The following MROH9 variants were observed in gnomAD, a reference collection of about 807,000 sequenced individuals.
The protein encoded by MROH9 is maestro heat-like repeat-containing protein family member 9.
MROH9 carries 92 observed loss-of-function variants against 98.2 expected under a neutral mutation model. That is an observed-to-expected ratio of 0.94 (90% CI 0.79 to 1.11). MROH9 has a LOEUF of 1.11. Ranked by LOEUF, MROH9 falls within the 50% of genes most tolerant of loss-of-function variation. The pLI is 0.00. For synonymous variants in MROH9, 397 were observed against 368.9 expected, an observed-to-expected ratio of 1.08 and a Z score of -0.87; for missense variants, 1,057 against 1,014.8, an observed-to-expected ratio of 1.04 and a Z score of -0.57.
intron 17 of MROH9, among the ~76,000 whole-genome samples, chr1:171,020,377 A>C (rs928018087): frequency 6.6e-6 from 1 of 152,216 alleles, no homozygotes; most frequent in African/African-American, 2.4e-5. Flanking sequence ...AAATACTGGC[A>C]AAACAAATCC....
At chr1:171,025,296 T>A in intron 19 of MROH9, 22 bp from the exon 20 acceptor site, 1 of 1,443,652 alleles carries the variant, frequency 6.9e-7, no homozygotes, top group South Asian at 1.2e-5. Context: ...AGTGAGGTGC[T>A]TTTTTCCCTT....
chr1:170,985,521 T>A (rs1651098999), intron 9 of MROH9, among the ~76,000 whole-genome samples: 1 of 152,152 alleles, frequency 6.6e-6, no homozygotes, highest in Non-Finnish European at 1.5e-5. Flanking sequence ...TCTTCACCTG[T>A]ACATGACAGA....
At position 170,995,448 on chromosome 1, in the gene MROH9, G is replaced by A. The variant is rs767272974; in HGVS notation, c.1254G>A (p.Gln418=). ...PLGSYRKAVA[Q]YFPQLLTTLM... is the part of the protein sequence containing the mutation. ...GTTCCTACAGGAAAGCGGTGGCCCA[G>A]TATTTCCCCCAGCTCTTGACGACTC... Residue 418 remains glutamine, a synonymous_variant, in exon 13 of 22, where the codon CAG becomes CAA. Coordinates refer to ENST00000367759, the MANE Select transcript of MROH9 (RefSeq NM_001163629.2). 3.7e-6 allele frequency: 6 copies of A among 1,613,286 alleles called. No homozygotes were observed. The East Asian group carries it at 6.7e-5, about 18-fold the overall frequency.
At chr1:170,950,855 T>C (rs1649524520) in intron 3 of MROH9, among the ~76,000 whole-genome samples, 1 of 152,138 alleles carries the variant, frequency 6.6e-6, no homozygotes, top group African/African-American at 2.4e-5. Flanking sequence ...GGCTGTTTAC[T>C]ATGCATGTTT....
At chr1:171,008,166 T>C (rs530305478) in intron 15 of MROH9, among the ~76,000 whole-genome samples, 11 of 152,198 alleles carry the variant, frequency 7.2e-5, no homozygotes, top group Non-Finnish European at 1.3e-4. Flanking sequence ...AGATACACTG[T>C]TATTAGCCAT....
chr1:171,052,638 C>T (rs1653707579), intron 20 of MROH9, among the ~76,000 whole-genome samples: 1 of 152,052 alleles, frequency 6.6e-6, no homozygotes, highest in African/African-American at 2.4e-5. Flanking sequence ...AGAAATGTGC[C>T]CCAGAAAGGA....
intron 12 of MROH9, among the ~76,000 whole-genome samples, chr1:170,993,583 G>A (rs796799690): frequency 5.9e-5 from 9 of 152,238 alleles, no homozygotes; most frequent in African/African-American, 2.2e-4. Flanking sequence ...TAAAAGCATG[G>A]CACAGAAGAC....
chr1:170,971,476 T>C (rs765213721), intron 7 of MROH9, among the ~76,000 whole-genome samples: 23 of 152,212 alleles, frequency 1.5e-4, no homozygotes, highest in Non-Finnish European at 2.9e-4. Flanking sequence ...GTCACCATTA[T>C]GTCCAAGTAC....
chr1:171,013,106 AAC>A (rs939751708), intron 15 of MROH9, among the ~76,000 whole-genome samples: 1 of 152,092 alleles, frequency 6.6e-6, no homozygotes, highest in African/African-American at 2.4e-5. Flanking sequence ...CTCCTCTCTA[AAC>A]ACTTCTTCTA....
chr1:170,963,940 TTAAAA>T (rs1650127171), intron 6 of MROH9, among the ~76,000 whole-genome samples: 1 of 152,024 alleles, frequency 6.6e-6, no homozygotes, highest in Admixed American at 6.6e-5. Flanking sequence ...ACCTCTGAAC[TTAAAA>T]TAAAAGTTAA....
At chr1:170,960,152 G>T (rs1385441325) in intron 5 of MROH9, among the ~76,000 whole-genome samples, 1 of 152,134 alleles carries the variant, frequency 6.6e-6, no homozygotes, top group East Asian at 1.9e-4. Context: ...GAGAATTTCA[G>T]CCTCGTCTGC....
intron 12 of MROH9, 50 bp from the exon 13 acceptor site, chr1:170,995,339 G>C (rs775123731): frequency 6.2e-7 from 1 of 1,606,672 alleles, no homozygotes; most frequent in South Asian, 1.1e-5. Flanking sequence ...GGTTGACCGG[G>C]TTTAGAGAAA....
At chr1:171,038,554 T>C (rs1025167326) in intron 20 of MROH9, among the ~76,000 whole-genome samples, 1 of 152,194 alleles carries the variant, frequency 6.6e-6, no homozygotes, top group Non-Finnish European at 1.5e-5. Context: ...TGTACATAGA[T>C]ATTTATTGCA....
At position 170,959,501 on chromosome 1, in the gene MROH9, G is replaced by GATATT. The variant is rs776343360; in HGVS notation, c.195_196insTTATA (p.Ile66LeufsTer2). On this transcript the variant is annotated frameshift_variant, in exon 5 of 22. Transcript: ENST00000367759. LOFTEE classifies it high-confidence loss of function. Reference sequence around the variant, plus strand: ...TACTGCAGTTTGAATCTCAGTTGAAGATAATAGAGTCATCCTTTGGAATGC... The same window carrying GATATT: ...TACTGCAGTTTGAATCTCAGTTGAAGATATTATAATAGAGTCATCCTTTGGAATGC... The GATATT allele has an allele frequency of 1.5e-4, 243 of 1,613,076 alleles. No individual in the cohort carries two copies. The highest frequency in any genetic ancestry group is 1.8e-4 in the Non-Finnish European group (218 of 1,179,542).
At chr1:171,062,228 A>G (rs187619470) in intron 21 of MROH9, 34 bp downstream of exon 21, 11 of 1,365,854 alleles carry the variant, frequency 8.1e-6, no homozygotes, top group African/African-American at 2.9e-5. Context: ...ATCTTTATGC[A>G]TAAATCTAAA....
intron 3 of MROH9, among the ~76,000 whole-genome samples, chr1:170,951,726 T>C (rs917693546): frequency 1.3e-5 from 2 of 152,100 alleles, no homozygotes; most frequent in African/African-American, 4.8e-5. Flanking sequence ...TGATCAGTGC[T>C]TCTCACTATA....
In MROH9 at chr1:170,945,537, T is replaced by C. The variant is rs371508287; in HGVS notation, c.-20T>C. 1.9e-6 allele frequency: 3 copies of C among 1,611,960 alleles called. No individual in the cohort carries two copies. Among genetic ancestry groups the C allele is most frequent in the Non-Finnish European group, 2.5e-6 (3 of 1,178,780 alleles). Reference sequence around the variant, plus strand: ...TTTTGCAGCATTACTAGTAGAAGACTTTAATACACCTCTGTCAGCATGTTG... The same window carrying C: ...TTTTGCAGCATTACTAGTAGAAGACCTTAATACACCTCTGTCAGCATGTTG... On this transcript the variant is annotated 5_prime_UTR_variant, in exon 2 of 22. Transcript: ENST00000367759.
chr1:171,043,985 C>T (rs185429471), intron 20 of MROH9, among the ~76,000 whole-genome samples: 2 of 152,210 alleles, frequency 1.3e-5, no homozygotes, highest in East Asian at 3.9e-4. Context: ...ATTGCTCTAG[C>T]TAGGACTTCT....
rs566775400 is a variant in MROH9, at chr1:170,938,905, T to G, written c.-38+3318T>G. On this transcript the variant is annotated intron_variant, in intron 1 of 21. Coordinates refer to ENST00000367759, the MANE Select transcript of MROH9 (RefSeq NM_001163629.2). ...CACTCGGTAGTGGCCACAGCTAGGTTGTCCTTGACAAATAAAAGTCCATGT... is the reference window on the plus strand; with the variant it reads ...CACTCGGTAGTGGCCACAGCTAGGTGGTCCTTGACAAATAAAAGTCCATGT... Among the ~76,000 whole-genome samples the G allele has an allele frequency of 2.4e-4, 36 of 152,342 alleles. 1 individual carries two copies. The South Asian group carries it at 5.2e-3, about 22-fold the overall frequency.
Sources: gnomAD v4.1 joint callset for allele counts (sites outside exome capture counted in the v4.1 genomes callset) on GRCh38, gnomAD v4.1.1 for gene constraint, MANE v1.5 for transcripts, NCBI Gene and HGNC (gene_info 2026-07-23, HGNC 2026-07-21) for gene names.